The following FNTA variants were observed in gnomAD, a reference collection of about 807,000 sequenced individuals.
The protein encoded by FNTA is protein farnesyltransferase/geranylgeranyltransferase type-1 subunit alpha.
A neutral mutation model predicts 55.2 loss-of-function variants in FNTA; 27 were observed. The observed-to-expected ratio is 0.49, with a 90% confidence interval of 0.36 to 0.67. The LOEUF is 0.67. FNTA is among the 30% of genes least tolerant of loss of function. The pLI is 0.00. For missense variants in FNTA, 422 were observed against 464.7 expected (o/e 0.91, Z 0.85); for synonymous variants, 176 against 170.7 (o/e 1.03, Z -0.24).
At chr8:43,077,901 A>G (rs1309259711) in intron 6 of FNTA, 3 of 152,190 alleles carry the variant, frequency 2.0e-5, no homozygotes, top group African/African-American at 7.2e-5. Context: ...CAATTTCTAT[A>G]TTGTATCCAT....
At chr8:43,067,039 C>T (rs560069715) in intron 3 of FNTA, among the ~76,000 whole-genome samples, 165 of 152,046 alleles carry the variant, frequency 1.1e-3, no homozygotes, top group Non-Finnish European at 2.0e-3. Context: ...ACTTTTTTTT[C>T]TAAGTTTGTA....
intron 2 of FNTA, among the ~76,000 whole-genome samples, chr8:43,062,373 C>T (rs1382862150): frequency 6.6e-6 from 1 of 151,770 alleles, no homozygotes; most frequent in Non-Finnish European, 1.5e-5. Context: ...CCTCTGTCTC[C>T]CAGGTTCAAG....
At position 43,056,493 on chromosome 8, in the gene FNTA, C is replaced by A; in HGVS notation, c.147C>A (p.Ser49=). Reference sequence around the variant, plus strand: ...CCGAGGCTGGGGAAGCCGTGGCGTCCCCCATGGACGACGGGTTTGTGAGCC... The same window carrying A: ...CCGAGGCTGGGGAAGCCGTGGCGTCACCCATGGACGACGGGTTTGTGAGCC... The part of the protein sequence containing the change: ...MAAEAGEAVA[S]PMDDGFVSLD... Residue 49 remains serine, a synonymous_variant, in exon 1 of 9, where the codon TCC becomes TCA. Transcript: ENST00000302279. 1 of 1,572,768 alleles carries A rather than the reference C, an allele frequency of 6.4e-7. No individual in the cohort carries two copies. The highest frequency in any genetic ancestry group is 8.6e-7 in the Non-Finnish European group (1 of 1,163,014).
chr8:43,058,128 G>C (rs1049823014), intron 1 of FNTA, among the ~76,000 whole-genome samples: 5 of 152,150 alleles, frequency 3.3e-5, no homozygotes, highest in African/African-American at 1.2e-4. Context: ...CCTGTGTGCT[G>C]TGGATGTTTT....
At chr8:43,056,977 C>A (rs1369459377) in intron 1 of FNTA, 1 of 152,234 alleles carries the variant, frequency 6.6e-6, no homozygotes, top group Admixed American at 6.5e-5. Flanking sequence ...ATTTGCTCAC[C>A]CTAAAAACGA....
intron 5 of FNTA, among the ~76,000 whole-genome samples, chr8:43,076,160 C>T (rs1810908536): frequency 1.3e-5 from 2 of 152,098 alleles, no homozygotes; most frequent in African/African-American, 2.4e-5. Context: ...TCTCTTGCCT[C>T]AGCCTCCCAA....
intron 6 of FNTA, chr8:43,082,624 A>T (rs1811047857): frequency 6.6e-6 from 1 of 152,216 alleles, no homozygotes; most frequent in Non-Finnish European, 1.5e-5. Context: ...CCTTCCCTAG[A>T]ACTGAATTGA....
chr8:43,084,984 C>T, intron 8 of FNTA, 103 bp downstream of exon 8: 2 of 1,265,508 alleles, frequency 1.6e-6, no homozygotes, highest in Non-Finnish European at 2.2e-6. Context: ...CCTCAGAATT[C>T]AGTGCAGGGC....
At chr8:43,076,945 T>C (rs914477707) in intron 5 of FNTA, 1 of 286,108 alleles carries the variant, frequency 3.5e-6, no homozygotes, top group Non-Finnish European at 6.5e-6. Context: ...GGTCACTCCT[T>C]CTCTTACTAG....
At chr8:43,070,651 C>CA (rs999443182) in intron 4 of FNTA, among the ~76,000 whole-genome samples, 2 of 152,246 alleles carry the variant, frequency 1.3e-5, no homozygotes, top group African/African-American at 2.4e-5. Flanking sequence ...CAAAACCACT[C>CA]AAAGTAGCTG....
At chr8:43,066,520 A>G (rs962658731) in intron 3 of FNTA, among the ~76,000 whole-genome samples, 1 of 151,504 alleles carries the variant, frequency 6.6e-6, no homozygotes, top group South Asian at 2.1e-4. Flanking sequence ...CGGCCTCCCA[A>G]AGTGCTGGGA....
At chr8:43,071,296 T>C (rs1172714128) in intron 4 of FNTA, among the ~76,000 whole-genome samples, 1 of 152,154 alleles carries the variant, frequency 6.6e-6, no homozygotes, top group East Asian at 1.9e-4. Flanking sequence ...ACATTTTCAC[T>C]AATAGATTTA....
chr8:43,060,761 CAACCGTTT>C (rs1392333808), intron 2 of FNTA, among the ~76,000 whole-genome samples: 2 of 152,076 alleles, frequency 1.3e-5, no homozygotes, highest in Admixed American at 1.3e-4. Flanking sequence ...TTTGACCTGT[CAACCGTTT>C]ATAGACAAAT....
At chr8:43,069,137 A>T (rs1810728322) in intron 3 of FNTA, among the ~76,000 whole-genome samples, 1 of 151,032 alleles carries the variant, frequency 6.6e-6, no homozygotes, top group South Asian at 2.1e-4. Context: ...GTGGGGGTGG[A>T]TGGAGTCTCC....
intron 2 of FNTA, chr8:43,063,423 T>G (rs564239390): frequency 5.0e-6 from 2 of 401,884 alleles, no homozygotes; most frequent in East Asian, 1.5e-4. Flanking sequence ...GTGAGAGAAC[T>G]TTCTAGAGCT....
At chr8:43,065,666 A>G (rs533951489) in intron 3 of FNTA, among the ~76,000 whole-genome samples, 40 of 151,386 alleles carry the variant, frequency 2.6e-4, no homozygotes, top group Admixed American at 6.6e-4. Context: ...TCATTTTTCT[A>G]TTGAACACAG....
chr8:43,077,318 A>G lies in FNTA; in HGVS notation c.736A>G (p.Asn246Asp). The G allele has an allele frequency of 6.2e-7, 1 of 1,613,286 alleles. No homozygotes were observed. Among genetic ancestry groups the G allele is most frequent in the East Asian group, 2.2e-5 (1 of 44,858 alleles). The change falls in exon 6 of 9, where the codon AAC becomes GAC. Residue 246 changes from asparagine (N) to aspartate (D), a missense_variant. Around this residue, in one of 2 missense-constraint regions of FNTA, gnomAD observed 262 missense variants for 343.1 expected, o/e 0.76. Transcript: ENST00000302279. Reference protein sequence around the residue: ...VWNQRYFVISNTTGYNDRAVL... With the variant: ...VWNQRYFVISDTTGYNDRAVL... ...GAACCAAAGATACTTCGTTATTTCTAACACCACTGGCTACAATGATCGTGC... is the reference window on the plus strand; with the variant it reads ...GAACCAAAGATACTTCGTTATTTCTGACACCACTGGCTACAATGATCGTGC...
intron 7 of FNTA, 173 bp from the exon 8 acceptor site, chr8:43,084,537 A>G (rs1184834121): frequency 7.4e-6 from 4 of 542,250 alleles, no homozygotes; most frequent in Non-Finnish European, 1.3e-5. Flanking sequence ...TTAACTAATG[A>G]TCTATGATAA....
At chr8:43,071,499 C>T (rs1174525759) in intron 4 of FNTA, among the ~76,000 whole-genome samples, 4 of 151,750 alleles carry the variant, frequency 2.6e-5, no homozygotes, top group East Asian at 3.9e-4. Flanking sequence ...GGTGAAACCC[C>T]GTCTCTACTT....
Sources: gnomAD v4.1 joint callset for allele counts (sites outside exome capture counted in the v4.1 genomes callset) on GRCh38, gnomAD v4.1.1 for gene constraint, gnomAD v4.1.1 regional missense constraint, MANE v1.5 for transcripts, NCBI Gene and HGNC (gene_info 2026-07-23, HGNC 2026-07-21) for gene names.